TBCD: variants seen among roughly 807,000 people sequenced by gnomAD.
TBCD encodes the protein tubulin-specific chaperone D.
A neutral mutation model predicts 169.3 loss-of-function variants in TBCD; 105 were observed. The ratio of observed to expected loss-of-function variants is 0.62; its 90% CI spans 0.53 to 0.73. The LOEUF (loss-of-function observed/expected upper bound fraction) is 0.73, where lower values mean the gene tolerates loss of function less well. Ranked by LOEUF, TBCD falls within the 30% of genes least tolerant of loss-of-function variation. TBCD has a pLI of 0.00. For missense variants in TBCD, 1,444 were observed against 1,600.1 expected (o/e 0.90, Z 1.66); for synonymous variants, 700 against 643.9 (o/e 1.09, Z -1.32).
intron 14 of TBCD, among the ~76,000 whole-genome samples, chr17:82,875,583 G>C (rs1337258223): frequency 1.3e-5 from 2 of 152,222 alleles, no homozygotes; most frequent in African/African-American, 4.8e-5. Flanking sequence ...TCCACCTCGA[G>C]CAAACCTGCT....
chr17:82,894,031 C>G (rs1224696451), intron 17 of TBCD, among the ~76,000 whole-genome samples: 2 of 53,068 alleles, frequency 3.8e-5, no homozygotes, highest in Non-Finnish European at 3.6e-5. Flanking sequence ...TGCTTCCCTA[C>G]TGGATGTCCT....
rs535813313 is a variant in TBCD, at chr17:82,936,726, C to T, written c.3192-545C>T. On this transcript the variant is annotated intron_variant, in intron 34 of 38. Transcript: ENST00000355528. ...TTCCCCACTGAGAGAGGGAGGTGCG[C>T]ACCTTCTCCTCCCTGGAGTGGCCTT... Among the ~76,000 whole-genome samples, 3 of 152,290 alleles carry T rather than the reference C, an allele frequency of 2.0e-5. No individual in the cohort carries two copies. The South Asian group carries it at 6.2e-4, about 32-fold the overall frequency.
rs753917689 is a variant in TBCD at position 82,752,310 on chromosome 17, G to A, written c.117G>A (p.Leu39=). The A allele has an allele frequency of 2.0e-6, 3 of 1,489,954 alleles. No homozygotes were observed. Among genetic ancestry groups the A allele is most frequent in the Admixed American group, 2.3e-5 (1 of 43,588 alleles). 92.3% of individuals were successfully genotyped at this position (1,489,954 alleles called of 1,614,324 possible). The change falls in exon 1 of 39, where the codon CTG becomes CTA. Residue 39 remains leucine (L), a synonymous_variant. Transcript: ENST00000355528. ...GCGAGAGCGCGGAGACCCGGGCGCT[G>A]CTGGGCCGCCTGCGGGAGGTGCACG... ...AFGESAETRA[L]LGRLREVHGG...
At chr17:82,853,381 C>A (rs1353938396) in intron 13 of TBCD, among the ~76,000 whole-genome samples, 1 of 151,026 alleles carries the variant, frequency 6.6e-6, no homozygotes, top group African/African-American at 2.4e-5. Flanking sequence ...TGAGCCACTG[C>A]ATCCAGCAAC....
At chr17:82,909,882 C>T (rs2060507033) in intron 22 of TBCD, among the ~76,000 whole-genome samples, 1 of 152,214 alleles carries the variant, frequency 6.6e-6, no homozygotes, top group Admixed American at 6.5e-5. Context: ...CCTTTGCAGC[C>T]CAGGCAGCCT....
At chr17:82,802,505 A>G (rs916858982) in intron 9 of TBCD, among the ~76,000 whole-genome samples, 10 of 152,230 alleles carry the variant, frequency 6.6e-5, no homozygotes, top group African/African-American at 2.4e-4. Flanking sequence ...CAGAGCCCAT[A>G]GGATGTGTGT....
intron 13 of TBCD, among the ~76,000 whole-genome samples, chr17:82,821,020 ATCACGGCTTACTGCAG>A (rs2052372759): frequency 6.6e-6 from 1 of 152,194 alleles, no homozygotes; most frequent in Non-Finnish European, 1.5e-5. Flanking sequence ...CAGTGGTGGT[ATCACGGCTTACTGCAG>A]CCTCAACCTC....
chr17:82,896,846 G>T (rs2059522889), intron 17 of TBCD, among the ~76,000 whole-genome samples: 1 of 152,116 alleles, frequency 6.6e-6, no homozygotes, highest in East Asian at 1.9e-4. Flanking sequence ...CGGGGTCCGG[G>T]ATCTGGGGTC....
chr17:82,841,303 A>C (rs2054506634), intron 13 of TBCD, among the ~76,000 whole-genome samples: 1 of 150,430 alleles, frequency 6.6e-6, no homozygotes, highest in Admixed American at 6.6e-5. Flanking sequence ...CTTTGCGTTT[A>C]CTTTTATATT....
At chr17:82,856,749 CGCT>C (rs1013738942) in intron 13 of TBCD, among the ~76,000 whole-genome samples, 2 of 147,240 alleles carry the variant, frequency 1.4e-5, no homozygotes, top group African/African-American at 5.2e-5. Flanking sequence ...TGCGGACCCT[CGCT>C]GCGCATCCAG....
intron 17 of TBCD, among the ~76,000 whole-genome samples, chr17:82,898,025 G>A (rs991296057): frequency 9.4e-5 from 14 of 149,670 alleles, no homozygotes; most frequent in African/African-American, 3.2e-4. Context: ...GTGGGTTTTG[G>A]TGTGAGCACA....
intron 11 of TBCD, 84 bp from the exon 12 acceptor site, chr17:82,809,624 T>C: frequency 2.9e-6 from 4 of 1,396,432 alleles, no homozygotes; most frequent in Non-Finnish European, 4.0e-6. Flanking sequence ...AAAGGATGGG[T>C]GTTCAGGCCA....
At chr17:82,838,195 A>G (rs2054147589) in intron 13 of TBCD, among the ~76,000 whole-genome samples, 1 of 152,178 alleles carries the variant, frequency 6.6e-6, no homozygotes, top group South Asian at 2.1e-4. Context: ...CTAAATTGCC[A>G]ATATACTGTC....
chr17:82,849,714 G>T (rs113567510), intron 13 of TBCD, among the ~76,000 whole-genome samples: 4 of 152,192 alleles, frequency 2.6e-5, no homozygotes, highest in Admixed American at 1.3e-4. Flanking sequence ...GGTGCCACAC[G>T]GGTCCCTCTC....
intron 13 of TBCD, among the ~76,000 whole-genome samples, chr17:82,844,975 CAG>C (rs2054879206): frequency 6.6e-6 from 1 of 151,974 alleles, no homozygotes; most frequent in Non-Finnish European, 1.5e-5. Context: ...GGGCGATGAG[CAG>C]AGTTACACCA....
At chr17:82,813,661 G>C (rs1302397534) in intron 12 of TBCD, among the ~76,000 whole-genome samples, 1 of 152,228 alleles carries the variant, frequency 6.6e-6, no homozygotes, top group African/African-American at 2.4e-5. Context: ...AGTTCATTCA[G>C]ATGTTAACTA....
chr17:82,797,249 G>T (rs1039759000), intron 7 of TBCD, among the ~76,000 whole-genome samples: 1 of 152,200 alleles, frequency 6.6e-6, no homozygotes, highest in Non-Finnish European at 1.5e-5. Context: ...TGTGCGCATC[G>T]TGGGGACCGG....
At chr17:82,764,766 C>A (rs142515315) in intron 3 of TBCD, among the ~76,000 whole-genome samples, 30 of 149,154 alleles carry the variant, frequency 2.0e-4, no homozygotes, top group Admixed American at 1.8e-3. Flanking sequence ...TACAAGCTTG[C>A]GGGTGTCTGT....
Position 82,942,608 on chromosome 17 carries a change from CT to C in TBCD, c.*149del. On this transcript the variant is annotated 3_prime_UTR_variant, in exon 39 of 39. Transcript: ENST00000355528. Reference sequence around the variant, plus strand: ...CTTGGAGGCTGGCACTAGCTGACAGCTTTTCCTCTCTGCACCTGCGCTCTGG... The same window carrying C: ...CTTGGAGGCTGGCACTAGCTGACAGCTTTCCTCTCTGCACCTGCGCTCTGG... 1.9e-6 allele frequency: 2 copies of C among 1,061,676 alleles called. No individual in the cohort carries two copies. The highest frequency in any genetic ancestry group is 2.8e-6 in the Non-Finnish European group (2 of 707,232). The allele number at this position is 1,061,676 out of a possible 1,614,324, so 65.8% of individuals were successfully genotyped here.
Sources: allele counts gnomAD v4.1 joint callset (sites outside exome capture counted in the v4.1 genomes callset), GRCh38; gene constraint gnomAD v4.1.1; transcripts MANE v1.5; gene names NCBI Gene and HGNC (gene_info 2026-07-23, HGNC 2026-07-21).